CSF2RA: variants seen among roughly 807,000 people sequenced by gnomAD.
The protein encoded by CSF2RA is colony stimulating factor 2 receptor subunit alpha.
In CSF2RA, 42 loss-of-function variants were observed where a neutral mutation model predicts 51.6. That is an observed-to-expected ratio of 0.81 (90% CI 0.64 to 1.05). The LOEUF (loss-of-function observed/expected upper bound fraction) is 1.05. Among genes scored for constraint, CSF2RA ranks in the 50% least tolerant of loss-of-function variants. The pLI is 0.00. For missense variants in CSF2RA, 530 were observed against 501.1 expected (o/e 1.06, Z -0.55); for synonymous variants, 222 against 193.0 (o/e 1.15, Z -1.24).
At chrX:1,281,737 C>T in intron 2 of CSF2RA, 1 of 151,902 alleles carries the variant, frequency 6.6e-6, no homozygotes, top group Middle Eastern at 3.4e-3. Context: ...GTTAGAATGA[C>T]TCAGTCTGCA....
chrX:1,310,667 CA>C (rs542174861), downstream of CSF2RA, among the ~76,000 whole-genome samples: 1,875 of 121,538 alleles, frequency 0.015, 14 homozygotes, highest in African/African-American at 0.025. Context: ...GACTCCATCT[CA>C]AAAAAAAAAA....
chrX:1,299,018 G>C (rs2092196506), intron 9 of CSF2RA, among the ~76,000 whole-genome samples: 1 of 152,184 alleles, frequency 6.6e-6, no homozygotes, highest in East Asian at 1.9e-4. Flanking sequence ...GTGTGGCCCA[G>C]GGGTGGACAC....
intron 3 of CSF2RA, among the ~76,000 whole-genome samples, chrX:1,283,711 G>A (rs1485258384): frequency 4.0e-5 from 6 of 151,714 alleles, no homozygotes; most frequent in African/African-American, 1.5e-4. Context: ...GGGATTACAG[G>A]CGCCTGCCAC....
chrX:1,287,872 G>T (rs771218650), intron 4 of CSF2RA, among the ~76,000 whole-genome samples: 1 of 137,224 alleles, frequency 7.3e-6, no homozygotes, highest in South Asian at 2.4e-4. Flanking sequence ...GAGTAGCAGG[G>T]ATTACAGGTG....
At chrX:1,322,055 A>G in the CSF2RA span, among the ~76,000 whole-genome samples, 1 of 151,892 alleles carries the variant, frequency 6.6e-6, no homozygotes, top group Non-Finnish European at 1.5e-5. Flanking sequence ...GCATTGCTTG[A>G]TCCCAGGATT....
At chrX:1,281,964 G>A (rs866228109) in intron 2 of CSF2RA, 1 of 146,204 alleles carries the variant, frequency 6.8e-6, no homozygotes, top group African/African-American at 2.5e-5. Context: ...GGGAGGCCGA[G>A]GCAGGTGGAT....
chrX:1,323,931 G>A, the CSF2RA span, among the ~76,000 whole-genome samples: 10 of 151,796 alleles, frequency 6.6e-5, no homozygotes, highest in Admixed American at 2.0e-4. Context: ...GGAGAATGGC[G>A]TGAACCCGGG....
At chrX:1,274,862 T>A in intron 2 of CSF2RA, 44 bp downstream of exon 2, 1 of 453,368 alleles carries the variant, frequency 2.2e-6, no homozygotes, top group South Asian at 1.6e-5. Flanking sequence ...TTGGGGATTT[T>A]CTTTTTTTTA....
chrX:1,271,913 A>T (rs1165874210), intron 1 of CSF2RA, among the ~76,000 whole-genome samples: 1 of 151,658 alleles, frequency 6.6e-6, no homozygotes, highest in Admixed American at 6.6e-5. Context: ...GATGACAGAC[A>T]TGAGGCAGAT....
chrX:1,278,680 A>G (rs1363324718), intron 2 of CSF2RA, among the ~76,000 whole-genome samples: 2 of 133,672 alleles, frequency 1.5e-5, no homozygotes, highest in Non-Finnish European at 3.3e-5. Flanking sequence ...AATGAGACTC[A>G]GTCTAAAAAA....
the CSF2RA span, among the ~76,000 whole-genome samples, chrX:1,324,009 G>A: frequency 0.028 from 3,504 of 123,494 alleles, 132 homozygotes; most frequent in African/African-American, 0.091. Context: ...GTGAGACTCC[G>A]TCTCAAAAAA....
At chrX:1,289,957 GTGTT>G (rs1286755006) in intron 6 of CSF2RA, among the ~76,000 whole-genome samples, 2 of 95,516 alleles carry the variant, frequency 2.1e-5, no homozygotes, top group Non-Finnish European at 2.3e-5. Context: ...GTTTTGTTTT[GTGTT>G]TGTTTTTGTT....
chrX:1,288,785 T>G lies in CSF2RA; in HGVS notation c.370T>G (p.Phe124Val), dbSNP rs1229396937. Residue 124 changes from phenylalanine (F) to valine (V), a missense_variant, in exon 6 of 13, where the codon TTC becomes GTC. Coordinates refer to ENST00000381529, the MANE Select transcript of CSF2RA (RefSeq NM_172245.4). ...SGREGTAAQN[F>V]SCFIYNADLM... Reference sequence around the variant, plus strand: ...AAGGGAGGGTACCGCTGCTCAGAATTTCTCCTGTTTCATCTACAATGCGGA... The same window carrying G: ...AAGGGAGGGTACCGCTGCTCAGAATGTCTCCTGTTTCATCTACAATGCGGA... The G allele has an allele frequency of 3.7e-6, 6 of 1,613,920 alleles. No homozygotes were observed. The highest frequency in any genetic ancestry group is 4.2e-6 in the Non-Finnish European group (5 of 1,179,860).
Position 1,288,670 on chromosome X carries a change from T to G in CSF2RA, c.343+28T>G, listed in dbSNP as rs781061637. 3.1e-6 allele frequency: 5 copies of G among 1,613,950 alleles called. No homozygotes were observed. The South Asian group carries it at 4.4e-5, about 14-fold the overall frequency. Reference sequence around the variant, plus strand: ...AAGCAAGACAGCTCAGGGATCCGTTTACAGCACTGGCCCCACCACCCCGCC... The same window carrying G: ...AAGCAAGACAGCTCAGGGATCCGTTGACAGCACTGGCCCCACCACCCCGCC... On this transcript the variant is annotated intron_variant, in intron 5 of 12. Coordinates refer to ENST00000381529, the MANE Select transcript of CSF2RA (RefSeq NM_172245.4).
intron 2 of CSF2RA, among the ~76,000 whole-genome samples, chrX:1,280,876 T>A (rs1219208481): frequency 3.0e-5 from 4 of 131,818 alleles, no homozygotes; most frequent in Non-Finnish European, 4.9e-5. Context: ...CTCCTCCTTC[T>A]CCTGCTCCTT....
At chrX:1,324,167 A>G in the CSF2RA span, among the ~76,000 whole-genome samples, 1 of 151,606 alleles carries the variant, frequency 6.6e-6, no homozygotes, top group Admixed American at 6.6e-5. Context: ...CCTGGGTGAC[A>G]GAGTGTAACT....
At chrX:1,321,905 G>A in the CSF2RA span, among the ~76,000 whole-genome samples, 1 of 151,966 alleles carries the variant, frequency 6.6e-6, no homozygotes, top group Non-Finnish European at 1.5e-5. Context: ...CCGAGGTGTG[G>A]GTGGATCGCA....
chrX:1,304,046 C>G, intron 11 of CSF2RA, 27 bp downstream of exon 11: 29 of 1,578,212 alleles, frequency 1.8e-5, no homozygotes, highest in Non-Finnish European at 2.5e-5. Context: ...CTGGGCCTCC[C>G]CAATGAAAAC....
intron 12 of CSF2RA, among the ~76,000 whole-genome samples, chrX:1,309,167 G>C (rs755848978): frequency 6.6e-6 from 1 of 152,232 alleles, no homozygotes; most frequent in South Asian, 2.1e-4. Flanking sequence ...CATCTGATCA[G>C]TCAAATTTGT....
Sources: gnomAD v4.1 joint callset for allele counts (sites outside exome capture counted in the v4.1 genomes callset) on GRCh38, gnomAD v4.1.1 for gene constraint, MANE v1.5 for transcripts, NCBI Gene and HGNC (gene_info 2026-07-23, HGNC 2026-07-21) for gene names.